Variants in BRCA1 observed in about 807,000 individuals in gnomAD.
The protein encoded by BRCA1 is BRCA1 DNA repair associated.
Under a neutral mutation model 173.7 loss-of-function variants are expected in BRCA1, and 140 were observed. The observed-to-expected ratio is 0.81, with a 90% CI of 0.70 to 0.93. The LOEUF (loss-of-function observed/expected upper bound fraction) is 0.93, where lower values mean the gene tolerates loss of function less well. Ranked by LOEUF, BRCA1 falls within the 40% of genes least tolerant of loss-of-function variation. The pLI is 0.00. For missense variants in BRCA1, 1,983 were observed against 2,172.5 expected, an observed-to-expected ratio of 0.91 and a Z score of 1.73; for synonymous variants, 662 against 756.0, an observed-to-expected ratio of 0.88 and a Z score of 2.04.
At position 43,067,690 on chromosome 17, in the gene BRCA1, G is replaced by A. The variant is rs142459158; in HGVS notation, c.4992C>T (p.Leu1664=). The A allele has an allele frequency of 1.0e-4, 163 of 1,610,376 alleles. No homozygotes were observed. In the African/African-American group the frequency reaches 1.9e-3, roughly 19 times the overall value. Residue 1664 remains leucine (L), a synonymous_variant, in exon 16 of 23, where the codon CTC becomes CTT. Transcript: ENST00000357654. ...GGTGTTTTCTGGCAAACTTGTACAC[G>A]AGCATCTGAAATTAAATCAAATATT... ...VSGLTPEEFM[L]VYKFARKHHI...
intron 22 of BRCA1, among the ~76,000 whole-genome samples, chr17:43,047,275 T>C (rs2050954159): frequency 6.6e-6 from 1 of 151,970 alleles, no homozygotes; most frequent in African/African-American, 2.4e-5. Context: ...ACTTTTTAAA[T>C]TTGTTGTACA....
At chr17:43,129,905 A>C (rs993623846), upstream of BRCA1, among the ~76,000 whole-genome samples, 1 of 152,180 alleles carries the variant, frequency 6.6e-6, no homozygotes, top group Non-Finnish European at 1.5e-5. Flanking sequence ...CCAAATTTTA[A>C]CGACCCCAGT....
intron 1 of BRCA1, among the ~76,000 whole-genome samples, chr17:43,132,161 G>A (rs1333637286): frequency 1.3e-5 from 2 of 152,204 alleles, no homozygotes; most frequent in Non-Finnish European, 2.9e-5. Context: ...GCACAGAGAG[G>A]TTTTGGTACT....
chr17:43,117,829 C>A (rs978157202), intron 2 of BRCA1, among the ~76,000 whole-genome samples: 9 of 152,102 alleles, frequency 5.9e-5, no homozygotes, highest in Admixed American at 2.6e-4. Context: ...CCAAGGCATT[C>A]CTGAGATTAG....
At chr17:43,129,664 G>A (rs2055949215), upstream of BRCA1, among the ~76,000 whole-genome samples, 1 of 152,014 alleles carries the variant, frequency 6.6e-6, no homozygotes, top group Non-Finnish European at 1.5e-5. Context: ...TAGTAGAGAT[G>A]GGGGTTTCAC....
intron 1 of BRCA1, among the ~76,000 whole-genome samples, chr17:43,137,957 C>T (rs182058458): frequency 6.6e-5 from 10 of 151,742 alleles, no homozygotes; most frequent in African/African-American, 2.2e-4. Flanking sequence ...GAGGCTGGGG[C>T]GGGTGGATCA....
rs757579891 is a variant in BRCA1 at position 43,092,460 on chromosome 17, C to T, written c.3071G>A (p.Ser1024Asn). ...TCTAATGTTATTACGGCTAATTGTG[C>T]TCACTGTACTTGGAATGTTCTCATT... ...MGNENIPSTV[S>N]TISRNNIREN... Residue 1024 changes from serine (S) to asparagine (N), a missense_variant, in exon 10 of 23, where the codon AGC (serine) becomes AAC (asparagine). Physicochemically the swap from Ser to Asn is conservative, Grantham distance 46. Coordinates refer to ENST00000357654, the MANE Select transcript of BRCA1 (RefSeq NM_007294.4). The T allele has an allele frequency of 1.2e-6, 2 of 1,613,926 alleles. No homozygotes were observed. Among genetic ancestry groups the T allele is most frequent in the East Asian group, 2.2e-5 (1 of 44,866 alleles).
chr17:43,095,829 G>A lies in BRCA1; in HGVS notation c.670+17C>T, dbSNP rs533684596. ...TCTCTTTTCAGTGCCTGTTAAGTTG[G>A]CAAACTTTGCCATTACCCTTTTTTG... is the stretch of plus-strand genomic sequence containing the variant. On this transcript the variant is annotated intron_variant, in intron 9 of 22. Coordinates refer to ENST00000357654, the MANE Select transcript of BRCA1 (RefSeq NM_007294.4). The A allele has an allele frequency of 1.9e-6, 3 of 1,604,108 alleles. No individual in the cohort carries two copies. The South Asian group carries it at 3.3e-5, about 18-fold the overall frequency.
intron 1 of BRCA1, chr17:43,166,509 C>T (rs1320623429): frequency 6.6e-6 from 1 of 152,160 alleles, no homozygotes; most frequent in African/African-American, 2.4e-5. Flanking sequence ...TTTAAGTTTT[C>T]CTGGTGTCAT....
intron 13 of BRCA1, 133 bp from the exon 14 acceptor site, chr17:43,074,654 C>A: frequency 1.2e-6 from 1 of 803,594 alleles, no homozygotes. Context: ...AAAAAGAGCC[C>A]GCAAGACAGC....
intron 10 of BRCA1, 181 bp from the exon 11 acceptor site, chr17:43,091,213 C>T (rs2154262018): frequency 1.2e-6 from 1 of 854,598 alleles, no homozygotes; most frequent in African/African-American, 1.7e-5. Flanking sequence ...GTAAGTCCAC[C>T]AGTAATTAGG....
At chr17:43,066,047 AG>A (rs1393178956) in intron 16 of BRCA1, among the ~76,000 whole-genome samples, 1 of 152,204 alleles carries the variant, frequency 6.6e-6, no homozygotes, top group African/African-American at 2.4e-5. Flanking sequence ...ATCATCTTTC[AG>A]GCAATCACTC....
intron 8 of BRCA1, 126 bp downstream of exon 8, chr17:43,097,118 C>T (rs1461200583): frequency 2.1e-6 from 2 of 964,248 alleles, no homozygotes; most frequent in African/African-American, 1.7e-5. Flanking sequence ...ATATAACAAA[C>T]TGCACATACA....
chr17:43,062,743 G>A (rs1288781020), intron 18 of BRCA1, among the ~76,000 whole-genome samples: 1 of 147,074 alleles, frequency 6.8e-6, no homozygotes. Flanking sequence ...AACTAAAGGC[G>A]CATGCCACCA....
intron 3 of BRCA1, among the ~76,000 whole-genome samples, chr17:43,114,854 C>T (rs1486740302): frequency 4.6e-5 from 7 of 152,160 alleles, no homozygotes; most frequent in Non-Finnish European, 1.0e-4. Flanking sequence ...CCCACTTGTT[C>T]TACTAAATTA....
intron 1 of BRCA1, among the ~76,000 whole-genome samples, chr17:43,150,071 T>C (rs1176212769): frequency 6.6e-6 from 1 of 152,162 alleles, no homozygotes; most frequent in African/African-American, 2.4e-5. Context: ...ATTATAGGCA[T>C]GAGCCACCAT....
At chr17:43,119,117 T>A (rs1223828367) in intron 2 of BRCA1, 3 of 214,388 alleles carry the variant, frequency 1.4e-5, no homozygotes, top group Non-Finnish European at 2.8e-5. Flanking sequence ...AAAGAACGAC[T>A]AACCTGGCAG....
intron 3 of BRCA1, among the ~76,000 whole-genome samples, chr17:43,114,005 G>A (rs1458265089): frequency 6.6e-6 from 1 of 151,308 alleles, no homozygotes; most frequent in South Asian, 2.1e-4. Flanking sequence ...AACCCAGGAG[G>A]TGGAGGTTGC....
intron 22 of BRCA1, among the ~76,000 whole-genome samples, chr17:43,047,418 G>T (rs1452495031): frequency 1.3e-5 from 2 of 151,836 alleles, no homozygotes; most frequent in Admixed American, 6.6e-5. Flanking sequence ...ATGTTTTTGT[G>T]ATGAACATTC....
Sources: gnomAD v4.1 joint callset for allele counts (sites outside exome capture counted in the v4.1 genomes callset) on GRCh38, gnomAD v4.1.1 for gene constraint, MANE v1.5 for transcripts, NCBI Gene and HGNC (gene_info 2026-07-23, HGNC 2026-07-21) for gene names.